Variants in AFF2 observed in about 807,000 individuals in gnomAD.
AFF2 encodes ALF transcription elongation factor 2, also known as AF4/FMR2 family member 2.
In AFF2, 14 loss-of-function variants were observed where a neutral mutation model predicts 76.9. The ratio of observed to expected loss-of-function variants is 0.18; its 90% CI spans 0.12 to 0.28. The LOEUF is 0.28. AFF2 is among the 10% of genes least tolerant of loss of function. The pLI is 1.00. For missense variants in AFF2, 868 were observed against 1,001.1 expected (o/e 0.87, Z 1.79); for synonymous variants, 398 against 366.7 (o/e 1.09, Z -0.98).
chrX:148,580,132 A>G (rs1441948036), intron 1 of AFF2, among the ~76,000 whole-genome samples: 1 of 111,639 alleles, frequency 9.0e-6, no homozygotes, highest in East Asian at 2.8e-4. Flanking sequence ...CATCTGTGGA[A>G]CTAGTACTTT....
At chrX:148,806,638 G>C (rs141993854) in intron 3 of AFF2, among the ~76,000 whole-genome samples, 455 of 111,980 alleles carry the variant, frequency 4.1e-3, no homozygotes, top group Non-Finnish European at 6.4e-3. Context: ...GCTCAATCAG[G>C]ATTTGTTGTC....
chrX:148,881,278 C>T (rs1440087945), intron 7 of AFF2, among the ~76,000 whole-genome samples: 1 of 111,838 alleles, frequency 8.9e-6, no homozygotes, highest in Non-Finnish European at 1.9e-5. Context: ...CCCAGTCTTA[C>T]ACGCAAACTT....
At chrX:148,821,466 C>G (rs895414862) in intron 4 of AFF2, among the ~76,000 whole-genome samples, 1 of 110,809 alleles carries the variant, frequency 9.0e-6, no homozygotes, top group Admixed American at 9.6e-5. Context: ...CCACTCATGC[C>G]TACCTCACAT....
At chrX:148,951,159 A>G (rs1414307522) in intron 9 of AFF2, among the ~76,000 whole-genome samples, 1 of 50,263 alleles carries the variant, frequency 2.0e-5, no homozygotes, top group Non-Finnish European at 3.8e-5. Flanking sequence ...TACAAAACAC[A>G]TACACGCACA....
intron 1 of AFF2, among the ~76,000 whole-genome samples, chrX:148,531,344 C>A (rs1363905959): frequency 5.4e-5 from 6 of 111,998 alleles, no homozygotes; most frequent in Admixed American, 9.5e-5. Flanking sequence ...AGGTAAAGGG[C>A]AGGTTGGAAA....
At chrX:148,542,704 G>A (rs1462483163) in intron 1 of AFF2, among the ~76,000 whole-genome samples, 1 of 111,573 alleles carries the variant, frequency 9.0e-6, no homozygotes, top group Non-Finnish European at 1.9e-5. Flanking sequence ...AAGGAAGTGG[G>A]ATAGGAACTG....
At chrX:148,506,548 T>C (rs1341823243) in intron 1 of AFF2, among the ~76,000 whole-genome samples, 1 of 110,592 alleles carries the variant, frequency 9.0e-6, no homozygotes, top group African/African-American at 3.3e-5. Context: ...CATTTATGGA[T>C]GCCCCCTTCA....
At chrX:148,700,282 C>A (rs2124512660) in intron 3 of AFF2, among the ~76,000 whole-genome samples, 1 of 111,407 alleles carries the variant, frequency 9.0e-6, no homozygotes, top group African/African-American at 3.3e-5. Context: ...GCAACAGGAC[C>A]AGGCAAGCAG....
At chrX:148,678,428 G>T (rs6641453) in intron 3 of AFF2, among the ~76,000 whole-genome samples, 28,067 of 111,590 alleles carry the variant, frequency 0.25, 2,725 homozygotes, top group Middle Eastern at 0.41. Context: ...ACAAGGAGTG[G>T]CAGTAAGACT....
intron 4 of AFF2, chrX:148,822,332 T>C (rs1329639439): frequency 1.8e-5 from 2 of 111,392 alleles, no homozygotes; most frequent in African/African-American, 3.3e-5. Flanking sequence ...GATTCAACTC[T>C]ATAGATAAGC....
intron 9 of AFF2, among the ~76,000 whole-genome samples, chrX:148,945,535 A>G (rs782714949): frequency 1.8e-5 from 2 of 112,038 alleles, no homozygotes; most frequent in East Asian, 5.6e-4. Context: ...AATGTGGTCC[A>G]CTGGGAGTTA....
chrX:148,663,110 A>G (rs782422911), intron 3 of AFF2, among the ~76,000 whole-genome samples: 1 of 112,449 alleles, frequency 8.9e-6, no homozygotes. Context: ...CATAAGTAGT[A>G]TGAGGTTCAT....
chrX:148,636,016 G>GATAT (rs201822349), intron 1 of AFF2, among the ~76,000 whole-genome samples: 4 of 107,558 alleles, frequency 3.7e-5, no homozygotes, highest in Non-Finnish European at 7.7e-5. Context: ...TGAGTGTGTG[G>GATAT]ATATATATAT....
chrX:148,701,993 C>A (rs782636681), intron 3 of AFF2, among the ~76,000 whole-genome samples: 26 of 112,090 alleles, frequency 2.3e-4, no homozygotes, highest in Non-Finnish European at 4.3e-4. Flanking sequence ...CAAGTGTGAA[C>A]CATGTATAGA....
chrX:148,759,830 C>T lies in AFF2; in HGVS notation c.1042-50046C>T, dbSNP rs563171156. 1.2e-3 allele frequency among the ~76,000 whole-genome samples: 140 copies of T among 112,241 alleles called. 5 individuals are homozygous for T. In the South Asian group the frequency reaches 0.049, roughly 39 times the overall value. ...TGCTTCATTTCACTTCCACGATGTACTGTGATTATGACAATGCCTGAACTG... is the reference window on the plus strand; with the variant it reads ...TGCTTCATTTCACTTCCACGATGTATTGTGATTATGACAATGCCTGAACTG... On this transcript the variant is annotated intron_variant, in intron 3 of 20. Coordinates refer to ENST00000370460, the MANE Select transcript of AFF2 (RefSeq NM_002025.4).
intron 4 of AFF2, among the ~76,000 whole-genome samples, chrX:148,828,586 G>A (rs1323661304): frequency 8.9e-6 from 1 of 112,229 alleles, no homozygotes; most frequent in East Asian, 2.8e-4. Flanking sequence ...AATACCATTA[G>A]TTGGATGGGC....
chrX:148,814,951 C>A (rs188434388), intron 4 of AFF2, among the ~76,000 whole-genome samples: 2 of 111,281 alleles, frequency 1.8e-5, no homozygotes, highest in East Asian at 5.6e-4. Context: ...AGTAGAATTT[C>A]TTTTATAAAT....
At chrX:148,881,606 C>T (rs782147585) in intron 7 of AFF2, among the ~76,000 whole-genome samples, 1 of 111,359 alleles carries the variant, frequency 9.0e-6, no homozygotes, top group South Asian at 3.9e-4. Flanking sequence ...ACCAAAGCTC[C>T]GAAACTTTCC....
At position 148,662,033 on chromosome X, in the gene AFF2, G is replaced by T. The variant is rs1557257806; in HGVS notation, c.306G>T (p.Val102=). Residue 102 remains valine (V), a synonymous_variant, in exon 3 of 21, where the codon GTG becomes GTT. Coordinates refer to ENST00000370460, the MANE Select transcript of AFF2 (RefSeq NM_002025.4). ...NHLVGIPKNS[V]PQNPNNKNEP... is the part of the protein sequence containing the mutation. ...TAGTGGGAATTCCAAAGAATTCTGT[G>T]CCCCAGAATCCCAACAACAAAAATG... is the stretch of plus-strand genomic sequence containing the variant. 1 of 1,210,922 alleles carries T rather than the reference G, an allele frequency of 8.3e-7. No homozygotes were observed. The highest frequency in any genetic ancestry group is 1.1e-6 in the Non-Finnish European group (1 of 894,838).
Sources: gnomAD v4.1 joint callset for allele counts (sites outside exome capture counted in the v4.1 genomes callset) on GRCh38, gnomAD v4.1.1 for gene constraint, MANE v1.5 for transcripts, NCBI Gene and HGNC (gene_info 2026-07-23, HGNC 2026-07-21) for gene names.